TPO: variants seen among roughly 807,000 people sequenced by gnomAD.
TPO encodes thyroid peroxidase.
In TPO, 78 loss-of-function variants were observed where a neutral mutation model predicts 96.9. That is an observed-to-expected ratio of 0.81 (90% CI 0.67 to 0.97). The LOEUF (loss-of-function observed/expected upper bound fraction) is 0.97, where lower values mean the gene tolerates loss of function less well. Ranked by LOEUF, TPO falls within the 50% of genes least tolerant of loss-of-function variation. The pLI, the probability that TPO is intolerant of heterozygous loss-of-function variation, is 0.00. For missense variants in TPO, 1,252 were observed against 1,274.8 expected (o/e 0.98, Z 0.27); for synonymous variants, 547 against 538.0 (o/e 1.02, Z -0.23).
chr2:1,493,336 A>G (rs931346732), intron 10 of TPO, among the ~76,000 whole-genome samples: 1 of 152,108 alleles, frequency 6.6e-6, no homozygotes, highest in Non-Finnish European at 1.5e-5. Context: ...GGGCAATAAC[A>G]GGAATGCACT....
At position 1,408,279 on chromosome 2, in the gene TPO, C is replaced by T. The variant is rs571624124; in HGVS notation, n.180+33877C>T. ...TAGAGCATTTTACTAAGTTAATGAC[C>T]GAAATCAGAGCTCTCAGGTCACTAC... On this transcript the variant is annotated intron_variant and non_coding_transcript_variant, in intron 1 of 5. Coordinates refer to the TPO transcript ENST00000497517. 7.2e-4 allele frequency among the ~76,000 whole-genome samples: 109 copies of T among 152,272 alleles called. 1 individual carries two copies. The highest frequency in any genetic ancestry group is 2.6e-3 in the African/African-American group (108 of 41,550).
chr2:1,516,941 C>G lies in TPO; in HGVS notation c.2577C>G (p.Ile859Met), dbSNP rs760976450. 1.9e-6 allele frequency: 3 copies of G among 1,613,996 alleles called. No homozygotes were observed. The highest frequency in any genetic ancestry group is 1.7e-6 in the Non-Finnish European group (2 of 1,180,042). Residue 859 changes from isoleucine (I) to methionine (M), a missense_variant, in exon 15 of 17, where the codon ATC (isoleucine) becomes ATG (methionine). Ile to Met is a conservative substitution (Grantham distance 10, BLOSUM62 1). Transcript: ENST00000329066. Reference protein sequence around the residue: ...WISMSLAALLIGGFAGLTSTV... With the variant: ...WISMSLAALLMGGFAGLTSTV... ...CCATGTCGCTGGCTGCTCTGCTGATCGGAGGCTTCGCAGGTCTCACCTCGA... is the reference window on the plus strand; with the variant it reads ...CCATGTCGCTGGCTGCTCTGCTGATGGGAGGCTTCGCAGGTCTCACCTCGA...
At position 1,380,726 on chromosome 2, in the gene TPO, A is replaced by T. The variant is rs1341032794; in HGVS notation, n.180+6324A>T. 1.3e-5 allele frequency among the ~76,000 whole-genome samples: 2 copies of T among 152,206 alleles called. 1 individual carries two copies. The highest frequency in any genetic ancestry group is 2.9e-5 in the Non-Finnish European group (2 of 68,046). On this transcript the variant is annotated intron_variant and non_coding_transcript_variant, in intron 1 of 5. Coordinates refer to the TPO transcript ENST00000497517. ...GGTCTCATCTGGAAAAAATAAACAT[A>T]TCCAGAAGAGAGAATGCATTAGGCT...
intron 7 of TPO, among the ~76,000 whole-genome samples, chr2:1,457,322 C>T (rs1401530008): frequency 1.8e-5 from 2 of 112,806 alleles, no homozygotes; most frequent in African/African-American, 6.8e-5. Context: ...ACTGTGGGTA[C>T]ACATATATAT....
intron 15 of TPO, among the ~76,000 whole-genome samples, chr2:1,522,680 A>C (rs986347778): frequency 6.6e-6 from 1 of 152,046 alleles, no homozygotes; most frequent in African/African-American, 2.4e-5. Flanking sequence ...CAAGTCTGAC[A>C]CATCGCAAAG....
rs534445471 is a variant in TPO, at chr2:1,394,962, C to G, written n.180+20560C>G. On this transcript the variant is annotated intron_variant and non_coding_transcript_variant, in intron 1 of 5. Coordinates refer to the TPO transcript ENST00000497517. ...TCTTCTGACCCTGAGGCTTCCGCTT[C>G]CCTGCACACCATATGTTGGATTTTC... Among the ~76,000 whole-genome samples, 4 of 152,244 alleles carry G rather than the reference C, an allele frequency of 2.6e-5. No individual in the cohort carries two copies. In the East Asian group the frequency reaches 7.8e-4, roughly 30 times the overall value.
chr2:1,515,180 C>T (rs1306629249), intron 14 of TPO, among the ~76,000 whole-genome samples: 3 of 152,326 alleles, frequency 2.0e-5, no homozygotes, highest in East Asian at 1.9e-4. Context: ...CTTCCCCGCA[C>T]CCCCAGCCCC....
chr2:1,537,533 C>CCCACCCAGTGTGCAA (rs1680081287), intron 15 of TPO, among the ~76,000 whole-genome samples: 1 of 77,504 alleles, frequency 1.3e-5, no homozygotes, highest in African/African-American at 5.8e-5. Context: ...CTCCGCCTAT[C>CCCACCCAGTGTGCAA]CCCCCCAGTG....
intron 7 of TPO, among the ~76,000 whole-genome samples, chr2:1,476,813 C>T: frequency 6.6e-6 from 1 of 150,924 alleles, no homozygotes; most frequent in South Asian, 2.1e-4. Flanking sequence ...CCGACCCCTG[C>T]AGCCTCTTCC....
rs1489631045 is a variant in TPO at position 1,438,057 on chromosome 2, CAGG to C, written c.482+1674_482+1676del. ...GCTGGAGGGCCTGGGTGGAGGAGGG[CAGG>C]GGGTAGGTGCACTGTTGAGTCAGAA... On this transcript the variant is annotated intron_variant, in intron 5 of 16. Transcript: ENST00000329066. Among the ~76,000 whole-genome samples the C allele has an allele frequency of 2.6e-5, 4 of 151,806 alleles. No homozygotes were observed. In the East Asian group the frequency reaches 7.8e-4, roughly 30 times the overall value.
intron 5 of TPO, among the ~76,000 whole-genome samples, chr2:1,446,029 A>C (rs1666774858): frequency 6.6e-6 from 1 of 152,166 alleles, no homozygotes; most frequent in African/African-American, 2.4e-5. Context: ...GATTCCTGCT[A>C]TTAAATTGGG....
rs1672372884 is a variant in TPO, at chr2:1,496,577, C to T, written c.2216-18C>T. ...TTCTCGTAGTTTGACTACATGTCAACCTGTCCACATTTCATAGACGACAAG... is the reference window on the plus strand; with the variant it reads ...TTCTCGTAGTTTGACTACATGTCAATCTGTCCACATTTCATAGACGACAAG... On this transcript the variant is annotated intron_variant, in intron 12 of 16. Transcript: ENST00000329066. 2 of 1,613,444 alleles carry T rather than the reference C, an allele frequency of 1.2e-6. No individual in the cohort carries two copies. Among genetic ancestry groups the T allele is most frequent in the South Asian group, 2.2e-5 (2 of 91,054 alleles).
chr2:1,471,397 G>A (rs748621932), intron 7 of TPO, among the ~76,000 whole-genome samples: 3 of 151,780 alleles, frequency 2.0e-5, no homozygotes, highest in African/African-American at 4.8e-5. Context: ...TCACTGTGTC[G>A]TGCTTTTTGA....
chr2:1,481,538 G>A (rs550173079), intron 8 of TPO, among the ~76,000 whole-genome samples: 30 of 152,270 alleles, frequency 2.0e-4, no homozygotes, highest in South Asian at 8.3e-4. Context: ...ACCAGACCCC[G>A]GAGGGACTGC....
chr2:1,533,114 CTCCCCAAATCCCCCACTGTGTGCAACG>C (rs1309419561), intron 15 of TPO, among the ~76,000 whole-genome samples: 1,459 of 143,582 alleles, frequency 0.01, 7 homozygotes, highest in South Asian at 0.025. Flanking sequence ...TGTGTGCAAC[CTCCCCAAATCCCCCACTGTGTGCAACG>C]TCCCCAAATC....
chr2:1,505,240 A>C, intron 14 of TPO, among the ~76,000 whole-genome samples: 1 of 144,918 alleles, frequency 6.9e-6, no homozygotes, highest in African/African-American at 2.6e-5. Flanking sequence ...TCAGGCATAC[A>C]CCCCCTTCCT....
upstream of TPO, among the ~76,000 whole-genome samples, chr2:1,411,420 G>A (rs1051126299): frequency 5.3e-5 from 8 of 152,058 alleles, no homozygotes; most frequent in Non-Finnish European, 8.8e-5. Flanking sequence ...ATCGGCACTC[G>A]GCATTTTCAA....
intron 8 of TPO, among the ~76,000 whole-genome samples, chr2:1,484,124 G>T (rs114557461): frequency 0.016 from 2,366 of 152,306 alleles, 62 homozygotes; most frequent in African/African-American, 0.054. Flanking sequence ...GTATCAAATC[G>T]TAATTTCCAG....
intron 15 of TPO, among the ~76,000 whole-genome samples, chr2:1,519,898 G>T (rs952338485): frequency 2.0e-5 from 3 of 152,296 alleles, no homozygotes; most frequent in Admixed American, 6.5e-5. Flanking sequence ...AGCCATAGAT[G>T]AAATGAATAC....
Sources: gnomAD v4.1 joint callset for allele counts (sites outside exome capture counted in the v4.1 genomes callset) on GRCh38, gnomAD v4.1.1 for gene constraint, MANE v1.5 for transcripts, NCBI Gene and HGNC (gene_info 2026-07-23, HGNC 2026-07-21) for gene names.